KCNMB4: variants seen among roughly 807,000 people sequenced by gnomAD.
The protein encoded by KCNMB4 is potassium calcium-activated channel subfamily M regulatory beta subunit 4.
A neutral mutation model predicts 20.7 loss-of-function variants in KCNMB4; 3 were observed. That is an observed-to-expected ratio of 0.14 (90% CI 0.07 to 0.37). The LOEUF is 0.37. KCNMB4 is among the 10% of genes least tolerant of loss of function. The pLI is 1.00. For missense variants in KCNMB4, 168 were observed against 265.9 expected, an observed-to-expected ratio of 0.63 and a Z score of 2.56; for synonymous variants, 110 against 113.4, an observed-to-expected ratio of 0.97 and a Z score of 0.19.
rs369660938 is a variant in KCNMB4 at position 70,421,017 on chromosome 12, A to G, written c.465-9468A>G. On this transcript the variant is annotated intron_variant, in intron 2 of 2. Transcript: ENST00000258111. Reference sequence around the variant, plus strand: ...CAGTGAGCTGAGATAGCGCCACTGCACTCCAGCCTGGGCGACGTAGCGAGA... The same window carrying G: ...CAGTGAGCTGAGATAGCGCCACTGCGCTCCAGCCTGGGCGACGTAGCGAGA... 2.7e-5 allele frequency among the ~76,000 whole-genome samples: 4 copies of G among 149,676 alleles called. No homozygotes were observed. The East Asian group carries it at 6.0e-4, about 22-fold the overall frequency.
intron 2 of KCNMB4, among the ~76,000 whole-genome samples, chr12:70,414,115 C>T (rs1285631518): frequency 1.3e-5 from 2 of 151,986 alleles, no homozygotes; most frequent in Admixed American, 1.3e-4. Context: ...GCCTGTAATC[C>T]CAGCTACTCA....
intron 1 of KCNMB4, among the ~76,000 whole-genome samples, chr12:70,394,553 G>T (rs6581938): frequency 0.023 from 3,520 of 152,146 alleles, 86 homozygotes; most frequent in East Asian, 0.1. Context: ...ATATAATTTC[G>T]TATATATTTG....
At chr12:70,377,788 T>C (rs1282748095) in intron 1 of KCNMB4, among the ~76,000 whole-genome samples, 1 of 152,172 alleles carries the variant, frequency 6.6e-6, no homozygotes, top group Non-Finnish European at 1.5e-5. Flanking sequence ...ATTTCAACAG[T>C]GTTCACAGCA....
chr12:70,397,468 A>C (rs1394957782), intron 1 of KCNMB4, among the ~76,000 whole-genome samples: 1 of 152,222 alleles, frequency 6.6e-6, no homozygotes, highest in Non-Finnish European at 1.5e-5. Context: ...AAGAATACTC[A>C]AATTTTGATC....
chr12:70,417,675 GA>G (rs1186925957), intron 2 of KCNMB4, among the ~76,000 whole-genome samples: 2 of 152,064 alleles, frequency 1.3e-5, no homozygotes, highest in Non-Finnish European at 2.9e-5. Flanking sequence ...GTGGCCTTTG[GA>G]AAAAACCTCC....
At chr12:70,422,005 GT>G (rs1279695287) in intron 2 of KCNMB4, among the ~76,000 whole-genome samples, 1 of 151,450 alleles carries the variant, frequency 6.6e-6, no homozygotes, top group Non-Finnish European at 1.5e-5. Context: ...AGGAGCCGCT[GT>G]TTTTTTCTCC....
intron 2 of KCNMB4, among the ~76,000 whole-genome samples, chr12:70,406,183 C>T (rs761175758): frequency 6.6e-6 from 1 of 152,210 alleles, no homozygotes; most frequent in East Asian, 1.9e-4. Context: ...CAAGTAAGAT[C>T]AATAGGCTCT....
At chr12:70,422,037 A>G (rs1408797848) in intron 2 of KCNMB4, among the ~76,000 whole-genome samples, 1 of 152,192 alleles carries the variant, frequency 6.6e-6, no homozygotes, top group Non-Finnish European at 1.5e-5. Context: ...TATTGTCCCA[A>G]CACAATTTAT....
intron 1 of KCNMB4, among the ~76,000 whole-genome samples, chr12:70,368,627 G>A (rs12317936): frequency 0.014 from 2,054 of 152,060 alleles, 46 homozygotes; most frequent in African/African-American, 0.046. Flanking sequence ...TGTCAAAGAT[G>A]AGTGCCAACC....
intron 1 of KCNMB4, among the ~76,000 whole-genome samples, chr12:70,394,631 A>G (rs1022034669): frequency 9.2e-5 from 14 of 152,164 alleles, no homozygotes; most frequent in African/African-American, 2.7e-4. Flanking sequence ...GCCCATGCAC[A>G]TATGCACCCA....
intron 1 of KCNMB4, among the ~76,000 whole-genome samples, chr12:70,372,088 A>C (rs1214214721): frequency 6.6e-6 from 1 of 152,200 alleles, no homozygotes; most frequent in Non-Finnish European, 1.5e-5. Flanking sequence ...TCATGTGGCT[A>C]TCTGGAGACA....
In KCNMB4 at chr12:70,367,215, A is replaced by G. The variant is rs1593316941; in HGVS notation, c.336+145A>G. The G allele has an allele frequency of 8.4e-6, 5 of 593,162 alleles. No individual in the cohort carries two copies. The South Asian group carries it at 9.9e-5, about 12-fold the overall frequency. The allele number at this position is 593,162 out of a possible 1,614,324, so 36.7% of individuals were successfully genotyped here. On this transcript the variant is annotated intron_variant, in intron 1 of 2. Transcript: ENST00000258111. ...GGCGCAGGCTGTGCTCAAACCAGGA[A>G]TGACTACATCAGGGAGCCCCAGGGC...
chr12:70,368,371 C>G (rs936919437), intron 1 of KCNMB4, among the ~76,000 whole-genome samples: 67 of 151,536 alleles, frequency 4.4e-4, no homozygotes, highest in African/African-American at 1.5e-3. Flanking sequence ...ATATGAATGA[C>G]TCCTCTCAAA....
In KCNMB4 at chr12:70,430,782, C is replaced by G. The variant is rs953079826; in HGVS notation, c.*129C>G. 1.2e-6 allele frequency: 1 copy of G among 845,040 alleles called. No individual in the cohort carries two copies. Among genetic ancestry groups the G allele is most frequent in the East Asian group, 3.2e-5 (1 of 31,280 alleles). 52.3% of individuals were successfully genotyped at this position (845,040 alleles called of 1,614,324 possible). A position where few individuals can be genotyped will look rare whatever the true frequency, so the allele number is the denominator to read the frequency against. ...CGACAGGGCTCTGAGAGGCTCATCC[C>G]TCAGTGGCAACAGAAACAGGCACAA... On this transcript the variant is annotated 3_prime_UTR_variant, in exon 3 of 3. Transcript: ENST00000258111.
chr12:70,426,435 A>AGTG (rs1329019010), intron 2 of KCNMB4, among the ~76,000 whole-genome samples: 1 of 152,172 alleles, frequency 6.6e-6, no homozygotes, highest in African/African-American at 2.4e-5. Context: ...CTTAAACCGA[A>AGTG]GTGCACATAA....
chr12:70,422,269 T>G lies in KCNMB4; in HGVS notation c.465-8216T>G, dbSNP rs148460373. Among the ~76,000 whole-genome samples, 294 of 152,324 alleles carry G rather than the reference T, an allele frequency of 1.9e-3. 3 individuals carry two copies. The highest frequency in any genetic ancestry group is 6.1e-3 in the African/African-American group (254 of 41,578). ...TATAGTCCTCTATGAAATAAATAAC[T>G]TGGTAACTCAGAGAAACCACAGACC... On this transcript the variant is annotated intron_variant, in intron 2 of 2. Coordinates refer to ENST00000258111, the MANE Select transcript of KCNMB4 (RefSeq NM_014505.6).
intron 2 of KCNMB4, among the ~76,000 whole-genome samples, chr12:70,403,348 T>A (rs1292236611): frequency 6.6e-6 from 1 of 151,834 alleles, no homozygotes; most frequent in Non-Finnish European, 1.5e-5. Flanking sequence ...TTTTGTTTTG[T>A]TTGAGTAGGA....
Position 70,403,569 on chromosome 12 carries a change from G to A in KCNMB4, c.464+3233G>A, listed in dbSNP as rs184731140. Reference sequence around the variant, plus strand: ...GGCTGGTCTTGAACTCCTGACCTCAGGCGATCCTCCCATCTTGAAGTACTG... The same window carrying A: ...GGCTGGTCTTGAACTCCTGACCTCAAGCGATCCTCCCATCTTGAAGTACTG... On this transcript the variant is annotated intron_variant, in intron 2 of 2. Transcript: ENST00000258111. 3.5e-3 allele frequency among the ~76,000 whole-genome samples: 529 copies of A among 152,236 alleles called. 5 individuals carry two copies. The highest frequency in any genetic ancestry group is 0.014 in the Middle Eastern group (4 of 294).
chr12:70,383,640 C>G (rs112285895), intron 1 of KCNMB4, among the ~76,000 whole-genome samples: 7 of 152,338 alleles, frequency 4.6e-5, no homozygotes, highest in African/African-American at 1.7e-4. Context: ...CTTGCCTCTT[C>G]CTAGCAATGG....
Sources: allele counts gnomAD v4.1 joint callset (sites outside exome capture counted in the v4.1 genomes callset), GRCh38; gene constraint gnomAD v4.1.1; transcripts MANE v1.5; gene names NCBI Gene and HGNC (gene_info 2026-07-23, HGNC 2026-07-21).